Variants in AP3S2 observed in about 807,000 individuals in gnomAD.
AP3S2 encodes the protein adaptor related protein complex 3 subunit sigma 2.
In AP3S2, 22 loss-of-function variants were observed where a neutral mutation model predicts 23.4. That is an observed-to-expected ratio of 0.94 (90% confidence interval 0.67 to 1.34). The LOEUF is 1.34. Among genes scored for constraint, AP3S2 ranks in the 40% most tolerant of loss-of-function variants. The pLI is 0.00. For synonymous variants in AP3S2, 86 were observed against 87.1 expected, an observed-to-expected ratio of 0.99 and a Z score of 0.07; for missense variants, 241 against 236.9, an observed-to-expected ratio of 1.02 and a Z score of -0.11.
chr15:89,844,520 T>A (rs911626704), intron 4 of AP3S2, among the ~76,000 whole-genome samples: 2 of 151,328 alleles, frequency 1.3e-5, no homozygotes, highest in African/African-American at 4.9e-5. Context: ...TTTTTTTTTT[T>A]AATTTCTAAG....
At chr15:89,886,829 C>T (rs140200506) in intron 3 of AP3S2, among the ~76,000 whole-genome samples, 30 of 152,280 alleles carry the variant, frequency 2.0e-4, no homozygotes, top group African/African-American at 6.5e-4. Flanking sequence ...GGGTCTCACT[C>T]TGTTGCCCAG....
chr15:89,846,412 C>T lies in AP3S2; in HGVS notation c.346-8690G>A, dbSNP rs114102272. 8.5e-3 allele frequency among the ~76,000 whole-genome samples: 1,294 copies of T among 152,022 alleles called. 27 individuals are homozygous for T. Among genetic ancestry groups the T allele is most frequent in the African/African-American group, 0.029 (1,222 of 41,442 alleles). ...TCACTCTGTCGCCCAGGATGGAATACAGTGGCATGATCTCGGCTCATTGCA... is the reference window on the plus strand; with the variant it reads ...TCACTCTGTCGCCCAGGATGGAATATAGTGGCATGATCTCGGCTCATTGCA... On this transcript the variant is annotated intron_variant, in intron 4 of 5. Coordinates refer to ENST00000336418, the MANE Select transcript of AP3S2 (RefSeq NM_005829.5).
At chr15:89,863,053 A>C (rs914220672) in intron 4 of AP3S2, among the ~76,000 whole-genome samples, 1 of 152,168 alleles carries the variant, frequency 6.6e-6, no homozygotes, top group African/African-American at 2.4e-5. Context: ...GAAAGAAATC[A>C]GCAGGGTTCT....
chr15:89,862,961 T>C (rs1445804609), intron 4 of AP3S2, among the ~76,000 whole-genome samples: 1 of 152,096 alleles, frequency 6.6e-6, no homozygotes, highest in Non-Finnish European at 1.5e-5. Context: ...GGATGAGATT[T>C]ATGCTAGAAA....
At chr15:89,871,674 A>C in intron 3 of AP3S2, 128 bp from the exon 4 acceptor site, 1 of 920,424 alleles carries the variant, frequency 1.1e-6, no homozygotes, top group Non-Finnish European at 1.6e-6. Context: ...TCAAAAATTA[A>C]AACACCTACC....
chr15:89,888,445 G>T (rs1293522630), intron 3 of AP3S2, 76 bp downstream of exon 3: 3 of 1,420,344 alleles, frequency 2.1e-6, no homozygotes, highest in Non-Finnish European at 3.0e-6. Flanking sequence ...TGGACACAAG[G>T]TTCTACAGGC....
intron 3 of AP3S2, among the ~76,000 whole-genome samples, chr15:89,881,590 T>C (rs1219900105): frequency 6.6e-6 from 1 of 151,484 alleles, no homozygotes; most frequent in Non-Finnish European, 1.5e-5. Flanking sequence ...TATGACATTA[T>C]AAGCCAGGAT....
In AP3S2 at chr15:89,837,610, C is replaced by T; in HGVS notation, c.453+5G>A. On this transcript the variant is annotated splice_donor_5th_base_variant and intron_variant, in intron 5 of 5. Coordinates refer to ENST00000336418, the MANE Select transcript of AP3S2 (RefSeq NM_005829.5). ...GCCAGGGCTAGAGCACAGCTGCTTACTCACCTCGGATTTCTCCAGCCTGTT... is the reference window on the plus strand; with the variant it reads ...GCCAGGGCTAGAGCACAGCTGCTTATTCACCTCGGATTTCTCCAGCCTGTT... 1 of 1,614,130 alleles carries T rather than the reference C, an allele frequency of 6.2e-7. No homozygotes were observed.
At chr15:89,844,108 T>C (rs1180917142) in intron 4 of AP3S2, among the ~76,000 whole-genome samples, 5 of 152,196 alleles carry the variant, frequency 3.3e-5, no homozygotes, top group African/African-American at 1.2e-4. Flanking sequence ...TACTGTGACT[T>C]TTCCCGTGAA....
chr15:89,883,401 CTT>C (rs545156078), intron 3 of AP3S2, among the ~76,000 whole-genome samples: 1 of 145,656 alleles, frequency 6.9e-6, no homozygotes. Flanking sequence ...AAAGATACTC[CTT>C]TTTTTTTTTT....
Position 89,835,564 on chromosome 15 carries a change from T to G in AP3S2, c.533A>C (p.Asn178Thr). 3 of 1,614,080 alleles carry G rather than the reference T, an allele frequency of 1.9e-6. No homozygotes were observed. Among genetic ancestry groups the G allele is most frequent in the East Asian group, 2.2e-5 (1 of 44,876 alleles). Reference protein sequence around the residue: ...INLPEIPRNINIGDLNIKVPN... With the variant: ...INLPEIPRNITIGDLNIKVPN... ...AACTTTGATGTTGAGATCGCCAATG[T>G]TGATGTTCCGAGGAATCTCTGGCAG... Residue 178 changes from asparagine to threonine, a missense_variant, in exon 6 of 6, where the codon AAC becomes ACC. By Grantham distance (65) the Asn-to-Thr change is moderately conservative (BLOSUM62 0). Transcript: ENST00000336418.
At chr15:89,849,868 C>T (rs374597968) in intron 4 of AP3S2, among the ~76,000 whole-genome samples, 8 of 151,896 alleles carry the variant, frequency 5.3e-5, no homozygotes, top group Non-Finnish European at 1.2e-4. Flanking sequence ...TGATGGTCCC[C>T]TCCCTGTGCC....
At chr15:89,836,192 C>T (rs1463260080) in intron 5 of AP3S2, among the ~76,000 whole-genome samples, 1 of 152,196 alleles carries the variant, frequency 6.6e-6, no homozygotes, top group Non-Finnish European at 1.5e-5. Context: ...AGCCTGCAGT[C>T]CTACTAGACT....
chr15:89,890,208 C>T (rs538236785), intron 1 of AP3S2, among the ~76,000 whole-genome samples: 9 of 152,152 alleles, frequency 5.9e-5, no homozygotes, highest in Admixed American at 1.3e-4. Flanking sequence ...TGCCACCATG[C>T]CCGGCTAATT....
chr15:89,854,069 T>TG (rs1483017575), intron 4 of AP3S2, among the ~76,000 whole-genome samples: 2 of 25,080 alleles, frequency 8.0e-5, no homozygotes, highest in African/African-American at 3.0e-4. Flanking sequence ...GGGAGGGAGG[T>TG]GGGGGGTCAG....
intron 4 of AP3S2, among the ~76,000 whole-genome samples, chr15:89,867,660 C>T (rs994683767): frequency 7.4e-6 from 1 of 135,702 alleles, no homozygotes; most frequent in Non-Finnish European, 1.6e-5. Context: ...GCCTCTGCCC[C>T]GCCGCCCCAT....
At chr15:89,842,716 G>A (rs957775427) in intron 4 of AP3S2, among the ~76,000 whole-genome samples, 3 of 152,128 alleles carry the variant, frequency 2.0e-5, no homozygotes, top group Non-Finnish European at 2.9e-5. Flanking sequence ...GGGTTCAAGC[G>A]ATTCTCCTGC....
At chr15:89,867,592 C>T (rs1896167551) in intron 4 of AP3S2, among the ~76,000 whole-genome samples, 1 of 128,008 alleles carries the variant, frequency 7.8e-6, no homozygotes, top group African/African-American at 3.0e-5. Flanking sequence ...GCCGCCATCA[C>T]ATCTAGGAAG....
chr15:89,869,533 T>G (rs1379481519), intron 4 of AP3S2, among the ~76,000 whole-genome samples: 2 of 84,868 alleles, frequency 2.4e-5, no homozygotes, highest in Non-Finnish European at 4.6e-5. Context: ...CCCTGCCAAA[T>G]CCCCCTCTGT....
Sources: gnomAD v4.1 joint callset for allele counts (sites outside exome capture counted in the v4.1 genomes callset) on GRCh38, gnomAD v4.1.1 for gene constraint, MANE v1.5 for transcripts, NCBI Gene and HGNC (gene_info 2026-07-23, HGNC 2026-07-21) for gene names.